GAMT: variants seen among roughly 807,000 people sequenced by gnomAD.
The protein encoded by GAMT is guanidinoacetate N-methyltransferase, also known as epididymis secretory protein Li 20.
Under a neutral mutation model 26.9 loss-of-function variants are expected in GAMT, and 26 were observed. That is an observed-to-expected ratio of 0.97 (90% confidence interval 0.71 to 1.34). The LOEUF (loss-of-function observed/expected upper bound fraction) is 1.34. GAMT is among the 40% of genes most tolerant of loss of function. The pLI, the probability that GAMT is intolerant of heterozygous loss-of-function variation, is 0.00. For missense variants in GAMT, 412 were observed against 345.0 expected, an observed-to-expected ratio of 1.19 and a Z score of -1.54; for synonymous variants, 169 against 149.6, an observed-to-expected ratio of 1.13 and a Z score of -0.95.
At position 1,397,222 on chromosome 19, in the gene GAMT, G is replaced by T; in HGVS notation, c.*137C>A. 1 of 1,049,356 alleles carries T rather than the reference G, an allele frequency of 9.5e-7. No homozygotes were observed. Among genetic ancestry groups the T allele is most frequent in the Non-Finnish European group, 1.4e-6 (1 of 721,652 alleles). 65.0% of individuals were successfully genotyped at this position (1,049,356 alleles called of 1,614,324 possible). ...CAGCTGGGATCAGCCCTGGGCTGGTGGGACCCCTCACAGAGAAGCCGGGAA... is the reference window on the plus strand; with the variant it reads ...CAGCTGGGATCAGCCCTGGGCTGGTTGGACCCCTCACAGAGAAGCCGGGAA... On this transcript the variant is annotated 3_prime_UTR_variant, in exon 6 of 6. Transcript: ENST00000252288.
Position 1,399,089 on chromosome 19 carries a change from C to T in GAMT, c.459+39G>A, listed in dbSNP as rs374874882. 77 of 1,613,174 alleles carry T rather than the reference C, an allele frequency of 4.8e-5. No individual in the cohort carries two copies. In the South Asian group the frequency reaches 4.8e-4, roughly 10 times the overall value. ...GGGGGTGTGGGCAGAGGGGCTTCCC[C>T]GAGGGCCTCCCGCATCCCAGCAAGT... On this transcript the variant is annotated intron_variant, in intron 4 of 5. Transcript: ENST00000252288. This position sits in a 1 kb window ranked among gnomAD's most constrained non-coding sequence, Gnocchi z 6.2.
intron 5 of GAMT, 76 bp from the exon 6 acceptor site, chr19:1,397,575 A>C (rs1422751530): frequency 2.5e-6 from 4 of 1,585,074 alleles, no homozygotes; most frequent in Non-Finnish European, 3.4e-6. Flanking sequence ...CCCTCATTGA[A>C]GAGTGTTTAC....
At chr19:1,400,651 A>T (rs2082628661) in intron 1 of GAMT, among the ~76,000 whole-genome samples, 1 of 152,152 alleles carries the variant, frequency 6.6e-6, no homozygotes, top group African/African-American at 2.4e-5. Context: ...TGGACTTGAG[A>T]CTATCTGGGA....
rs771107085 is a variant in GAMT, at chr19:1,399,903, T to C, written c.217A>G (p.Ile73Val). The change falls in exon 2 of 6, where the codon ATC becomes GTC. Residue 73 changes from isoleucine to valine, a missense_variant. Transcript: ENST00000252288. This position sits in a 1 kb window ranked among gnomAD's most constrained non-coding sequence, Gnocchi z 6.2. ...RVLEVGFGMA[I>V]AASKVQEAPI... The stretch of plus-strand genomic sequence containing the variant: ...GCCTCCTGCACCTTTGACGCTGCGA[T>C]GGCCATGCCAAAGCCCACCTCCAGG... 1.9e-5 allele frequency: 30 copies of C among 1,608,964 alleles called. No individual in the cohort carries two copies. Among genetic ancestry groups the C allele is most frequent in the Non-Finnish European group, 2.5e-5 (29 of 1,178,554 alleles).
At position 1,399,252 on chromosome 19, in the gene GAMT, CT is replaced by C; in HGVS notation, c.392-58del. The C allele has an allele frequency of 3.8e-6, 6 of 1,573,816 alleles. No homozygotes were observed. Among genetic ancestry groups the C allele is most frequent in the Non-Finnish European group, 5.2e-6 (6 of 1,144,494 alleles). ...GGCCGGGCTCAGCGCCTCACCCAGC[CT>C]CACCCGGCTCATCCCCCAGCGGGTG... On this transcript the variant is annotated intron_variant, in intron 3 of 5. Transcript: ENST00000252288. This position sits in a 1 kb window ranked among gnomAD's most constrained non-coding sequence, Gnocchi z 6.2.
In GAMT at chr19:1,399,310, G is replaced by A. The variant is rs1241496705; in HGVS notation, c.392-115C>T. The A allele has an allele frequency of 1.2e-5, 15 of 1,244,984 alleles. No homozygotes were observed. Among genetic ancestry groups the A allele is most frequent in the African/African-American group, 3.0e-5 (2 of 67,350 alleles). The allele number at this position is 1,244,984 out of a possible 1,614,324, so 77.1% of individuals were successfully genotyped here. On this transcript the variant is annotated intron_variant, in intron 3 of 5. Transcript: ENST00000252288. The surrounding 1 kb of genome is among the most constrained non-coding windows in gnomAD (Gnocchi z 6.2). ...CAGTGAGACGGGGCCGTGGGTAGAG[G>A]TGGGGCTCCCACACAGGCTTGAGAA...
chr19:1,399,288 T>C lies in GAMT; in HGVS notation c.392-93A>G. 2.1e-6 allele frequency: 3 copies of C among 1,411,550 alleles called. No homozygotes were observed. Among genetic ancestry groups the C allele is most frequent in the South Asian group, 2.3e-5 (2 of 86,474 alleles). 87.4% of individuals were successfully genotyped at this position (1,411,550 alleles called of 1,614,324 possible). Reference sequence around the variant, plus strand: ...CATCCCCCAGCGGGTGGAGGTGCAGTGAGACGGGGCCGTGGGTAGAGGTGG... The same window carrying C: ...CATCCCCCAGCGGGTGGAGGTGCAGCGAGACGGGGCCGTGGGTAGAGGTGG... On this transcript the variant is annotated intron_variant, in intron 3 of 5. Transcript: ENST00000252288. This position sits in a 1 kb window ranked among gnomAD's most constrained non-coding sequence, Gnocchi z 6.2.
Position 1,401,351 on chromosome 19 carries a change from C to A in GAMT, c.126G>T (p.Met42Ile). 6.5e-7 allele frequency: 1 copy of A among 1,536,812 alleles called. No homozygotes were observed. Among genetic ancestry groups the A allele is most frequent in the African/African-American group, 1.4e-5 (1 of 70,560 alleles). Residue 42 changes from methionine (M) to isoleucine (I), a missense_variant, in exon 1 of 6, where the codon ATG becomes ATT. Met to Ile is a conservative substitution (Grantham distance 10). Transcript: ENST00000252288. ...GCATATAGGGGGTCTCCCAGCGCTC[C>A]ATCACCGGCTTGCCCAGGATGCGCA... Reference protein sequence around the residue: ...THLRILGKPVMERWETPYMHA... With the variant: ...THLRILGKPVIERWETPYMHA...
In GAMT at chr19:1,399,068, G is replaced by C; in HGVS notation, c.460-42C>G. The C allele has an allele frequency of 6.2e-7, 1 of 1,613,374 alleles. No homozygotes were observed. The highest frequency in any genetic ancestry group is 8.5e-7 in the Non-Finnish European group (1 of 1,180,012). On this transcript the variant is annotated intron_variant, in intron 4 of 5. Coordinates refer to ENST00000252288, the MANE Select transcript of GAMT (RefSeq NM_000156.6). The surrounding 1 kb of genome is among the most constrained non-coding windows in gnomAD (Gnocchi z 6.2). ...GCCAGTGGTCAGGACGGAGGTGGGG[G>C]TGTGGGCAGAGGGGCTTCCCCGAGG...
intron 5 of GAMT, chr19:1,398,417 A>T (rs555062305): frequency 8.0e-4 from 258 of 321,024 alleles, no homozygotes; most frequent in East Asian, 2.8e-3. Context: ...TTTTTTTTTT[A>T]AATTTTCTTT....
chr19:1,398,862 C>A, intron 5 of GAMT, 54 bp downstream of exon 5: 1 of 1,605,002 alleles, frequency 6.2e-7, no homozygotes, highest in Admixed American at 1.7e-5. Context: ...CCCCTTCCCA[C>A]CCCCATCCAA....
rs749591447 is a variant in GAMT, at chr19:1,399,038, G to C, written c.460-12C>G. 1.1e-5 allele frequency: 18 copies of C among 1,613,434 alleles called. No individual in the cohort carries two copies. The highest frequency in any genetic ancestry group is 1.5e-5 in the Non-Finnish European group (18 of 1,180,002). On this transcript the variant is annotated splice_polypyrimidine_tract_variant and intron_variant, in intron 4 of 5. Transcript: ENST00000252288. The surrounding 1 kb of genome is among the most constrained non-coding windows in gnomAD (Gnocchi z 6.2). ...CGAAAGGCGTGGTTCTGTGGAAGGG[G>C]AGTGGCCAGTGGTCAGGACGGAGGT... is the stretch of plus-strand genomic sequence containing the variant.
At position 1,401,308 on chromosome 19, in the gene GAMT, C is replaced by A. The variant is rs1299828784; in HGVS notation, c.169G>T (p.Ala57Ser). Residue 57 changes from alanine to serine, a missense_variant, in exon 1 of 6, where the codon GCC becomes TCC. Coordinates refer to ENST00000252288, the MANE Select transcript of GAMT (RefSeq NM_000156.6). ...GGGCGGGGGCTACCTTTGGAGGAGG[C>A]GGCGGCGGCCAGCGCGTGCATATAG... ...TPYMHALAAA[A>S]SSKGGRVLEV... 2.0e-6 allele frequency: 3 copies of A among 1,506,440 alleles called. No individual in the cohort carries two copies. The highest frequency in any genetic ancestry group is 1.4e-5 in the African/African-American group (1 of 69,952). 93.3% of individuals were successfully genotyped at this position (1,506,440 alleles called of 1,614,324 possible).
At chr19:1,400,467 A>G (rs1320908024) in intron 1 of GAMT, among the ~76,000 whole-genome samples, 1 of 152,176 alleles carries the variant, frequency 6.6e-6, no homozygotes, top group African/African-American at 2.4e-5. Flanking sequence ...ATGACCAGCC[A>G]GGGAGGCCGA....
Position 1,398,977 on chromosome 19 carries a change from T to G in GAMT, c.509A>C (p.Asn170Thr), listed in dbSNP as rs202199674. 13 of 1,613,024 alleles carry G rather than the reference T, an allele frequency of 8.1e-6. No individual in the cohort carries two copies. The Admixed American group carries it at 8.3e-5, about 10-fold the overall frequency. ...CATCAGCTCCCCCCAGGAGGTGAGG[T>G]TGCAGTAGGTGAGGACGCCCCCCGG... ...LKPGGVLTYC[N>T]LTSWGELMKS... Residue 170 changes from asparagine to threonine, a missense_variant, in exon 5 of 6, where the codon AAC (asparagine) becomes ACC (threonine). By Grantham distance (65) the Asn-to-Thr change is moderately conservative (BLOSUM62 0). Coordinates refer to ENST00000252288, the MANE Select transcript of GAMT (RefSeq NM_000156.6).
Position 1,400,465 on chromosome 19 carries a change from C to T in GAMT, c.182-527G>A, listed in dbSNP as rs570181492. On this transcript the variant is annotated intron_variant, in intron 1 of 5. Coordinates refer to ENST00000252288, the MANE Select transcript of GAMT (RefSeq NM_000156.6). ...CAGCGGCCAGAGAGAGGATGACCAG[C>T]CAGGGAGGCCGAAGACGGCCGCTTT... 3.3e-5 allele frequency among the ~76,000 whole-genome samples: 5 copies of T among 152,318 alleles called. No individual in the cohort carries two copies. The East Asian group carries it at 9.6e-4, about 29-fold the overall frequency.
At chr19:1,397,671 C>T in intron 5 of GAMT, 172 bp from the exon 6 acceptor site, 5 of 1,376,172 alleles carry the variant, frequency 3.6e-6, no homozygotes, top group Non-Finnish European at 4.9e-6. Flanking sequence ...ACGGGAATCT[C>T]CAGCTCCCCA....
chr19:1,397,303 TC>T lies in GAMT; in HGVS notation c.*55del. On this transcript the variant is annotated 3_prime_UTR_variant, in exon 6 of 6. Coordinates refer to ENST00000252288, the MANE Select transcript of GAMT (RefSeq NM_000156.6). ...CCAGGGCTGGTGCGACACCCTGGACTCCCGGCCAGGAAGGCACGGAGGAGGG... is the reference window on the plus strand; with the variant it reads ...CCAGGGCTGGTGCGACACCCTGGACTCCGGCCAGGAAGGCACGGAGGAGGG... 1 of 1,561,200 alleles carries T rather than the reference TC, an allele frequency of 6.4e-7. No individual in the cohort carries two copies. The highest frequency in any genetic ancestry group is 8.7e-7 in the Non-Finnish European group (1 of 1,155,458).
intron 1 of GAMT, among the ~76,000 whole-genome samples, chr19:1,400,679 C>T (rs1305765081): frequency 6.6e-6 from 1 of 152,194 alleles, no homozygotes; most frequent in African/African-American, 2.4e-5. Flanking sequence ...GACTGGTCCC[C>T]AGTGGGCCAC....
Sources: allele counts gnomAD v4.1 joint callset (sites outside exome capture counted in the v4.1 genomes callset), GRCh38; gene constraint gnomAD v4.1.1; non-coding constraint Gnocchi (gnomAD v3.1); transcripts MANE v1.5; gene names NCBI Gene and HGNC (gene_info 2026-07-23, HGNC 2026-07-21).